Variants in CLN3 observed in about 807,000 individuals in gnomAD.
CLN3 encodes CLN3 lysosomal/endosomal transmembrane protein, battenin, also known as battenin.
In CLN3, 49 loss-of-function variants were observed where a neutral mutation model predicts 60.7. That is an observed-to-expected ratio of 0.81 (90% CI 0.64 to 1.02). The LOEUF (loss-of-function observed/expected upper bound fraction) is 1.02, where lower values mean the gene tolerates loss of function less well. Ranked by LOEUF, CLN3 falls within the 50% of genes least tolerant of loss-of-function variation. The pLI is 0.00. For synonymous variants in CLN3, 256 were observed against 245.8 expected (o/e 1.04, Z -0.39); for missense variants, 516 against 557.4 (o/e 0.93, Z 0.75).
intron 10 of CLN3, among the ~76,000 whole-genome samples, chr16:28,483,659 G>GT (rs889860604): frequency 2.0e-5 from 3 of 150,262 alleles, no homozygotes; most frequent in Admixed American, 6.6e-5. Context: ...CTGGCACATG[G>GT]TAAGTACTCA....
In CLN3 at chr16:28,483,720, T is replaced by C. The variant is rs1446028647; in HGVS notation, c.790+286A>G. Among the ~76,000 whole-genome samples, 15 of 67,194 alleles carry C rather than the reference T, an allele frequency of 2.2e-4. No individual in the cohort carries two copies. In the East Asian group the frequency reaches 2.9e-3, roughly 13 times the overall value. 44.1% of individuals were successfully genotyped at this position (67,194 alleles called of 152,430 possible). A position where few individuals can be genotyped will look rare whatever the true frequency, so the allele number is the denominator to read the frequency against. On this transcript the variant is annotated intron_variant, in intron 10 of 15. Coordinates refer to ENST00000636147, the MANE Select transcript of CLN3 (RefSeq NM_001042432.2). ...CCTTCCTTCCTTTCTTTTCTTTTTT[T>C]TTTTTTTTTTTTTTTTTTTGCGACA...
rs2046122078 is a variant in CLN3, at chr16:28,482,671, G to A, written c.792C>T (p.Gly264=). The change falls in exon 11 of 16, where the codon GGC becomes GGT. Residue 264 remains glycine, a splice_region_variant and synonymous_variant. Coordinates refer to ENST00000636147, the MANE Select transcript of CLN3 (RefSeq NM_001042432.2). The stretch of plus-strand genomic sequence containing the variant: ...CCCGAAGGGAGAGGCTGGAGCTGGA[G>A]CCTGCAGGGGAACAGAGAGAGAAGG... ...IRTEAPESKP[G]SSSSLSLRER... 6.8e-6 allele frequency: 11 copies of A among 1,614,192 alleles called. No homozygotes were observed. Among genetic ancestry groups the A allele is most frequent in the Non-Finnish European group, 9.3e-6 (11 of 1,180,028 alleles).
chr16:28,491,634 G>A (rs748011414), intron 2 of CLN3, 74 bp from the exon 3 acceptor site: 2 of 1,613,658 alleles, frequency 1.2e-6, no homozygotes, highest in East Asian at 2.2e-5. Context: ...GTCCTCCCGG[G>A]GCCGAGTCAG....
intron 3 of CLN3, among the ~76,000 whole-genome samples, chr16:28,490,038 C>G (rs2046287491): frequency 8.4e-6 from 1 of 119,730 alleles, no homozygotes; most frequent in Non-Finnish European, 1.7e-5. Flanking sequence ...GCCTGGGCTA[C>G]AAGAGCGAGA....
chr16:28,487,199 C>A, intron 7 of CLN3: 1 of 568,510 alleles, frequency 1.8e-6, no homozygotes, highest in South Asian at 2.0e-5. Context: ...GCATGAGTCA[C>A]TGTGCCTGGT....
At chr16:28,482,248 C>T (rs766137609) in intron 13 of CLN3, 50 bp from the exon 14 acceptor site, 3 of 1,600,490 alleles carry the variant, frequency 1.9e-6, no homozygotes, top group African/African-American at 1.3e-5. Flanking sequence ...GGGACCATCC[C>T]GCTCCCCCCG....
At chr16:28,482,079 T>C (rs755119836) in intron 14 of CLN3, 26 bp downstream of exon 14, 3 of 1,563,858 alleles carry the variant, frequency 1.9e-6, no homozygotes, top group Non-Finnish European at 1.7e-6. Context: ...AAGGTGGGAG[T>C]GAAGTGAGGG....
intron 6 of CLN3, 24 bp from the exon 7 acceptor site, chr16:28,487,565 AG>A: frequency 6.2e-7 from 1 of 1,605,054 alleles, no homozygotes; most frequent in Non-Finnish European, 8.5e-7. Flanking sequence ...AAGGGAAGGG[AG>A]GGGGAAGGTC....
intron 15 of CLN3, 35 bp from the exon 16 acceptor site, chr16:28,477,670 C>T: frequency 6.2e-7 from 1 of 1,614,016 alleles, no homozygotes; most frequent in Non-Finnish European, 8.5e-7. Flanking sequence ...AGGCTTCAGT[C>T]CCAGACATCC....
At chr16:28,489,454 C>A in intron 3 of CLN3, 68 bp from the exon 4 acceptor site, 2 of 1,068,726 alleles carry the variant, frequency 1.9e-6, no homozygotes, top group Non-Finnish European at 2.8e-6. Context: ...TTGTGCCAAA[C>A]CTTCCCTTAC....
At chr16:28,478,768 G>A (rs1226175499) in intron 14 of CLN3, among the ~76,000 whole-genome samples, 1 of 152,078 alleles carries the variant, frequency 6.6e-6, no homozygotes, top group African/African-American at 2.4e-5. Context: ...AGCGCATTTA[G>A]CAGGATCCCT....
At chr16:28,472,609 G>C (rs2045959676), downstream of CLN3, among the ~76,000 whole-genome samples, 1 of 151,354 alleles carries the variant, frequency 6.6e-6, no homozygotes, top group South Asian at 2.1e-4. Flanking sequence ...GGGAGGCCGA[G>C]GTGGGCGGAT....
downstream of CLN3, among the ~76,000 whole-genome samples, chr16:28,472,176 G>A (rs1309603132): frequency 6.6e-6 from 1 of 152,222 alleles, no homozygotes; most frequent in Non-Finnish European, 1.5e-5. Context: ...ATCTCTGGAG[G>A]TCAAGGTGGG....
chr16:28,487,093 T>C lies in CLN3; in HGVS notation c.460+363A>G, dbSNP rs147555130. ...ACCCAGCTAATTTTTGTATTTTTGGTAGAGACGGGGTTTCTCCATGTTGGC... is the reference window on the plus strand; with the variant it reads ...ACCCAGCTAATTTTTGTATTTTTGGCAGAGACGGGGTTTCTCCATGTTGGC... On this transcript the variant is annotated intron_variant, in intron 7 of 15. Coordinates refer to ENST00000636147, the MANE Select transcript of CLN3 (RefSeq NM_001042432.2). 1.9e-3 allele frequency: 695 copies of C among 374,798 alleles called. 8 individuals carry two copies. The highest frequency in any genetic ancestry group is 6.6e-3 in the South Asian group (277 of 42,156). The allele number at this position is 374,798 out of a possible 1,614,324, so 23.2% of individuals were successfully genotyped here.
chr16:28,486,490 C>T lies in CLN3; in HGVS notation c.534G>A (p.Arg178=). 1.2e-6 allele frequency: 2 copies of T among 1,612,358 alleles called. No homozygotes were observed. Among genetic ancestry groups the T allele is most frequent in the South Asian group, 2.2e-5 (2 of 90,744 alleles). Residue 178 remains arginine, a splice_region_variant and synonymous_variant, in exon 9 of 16, where the codon AGG becomes AGA. Transcript: ENST00000636147. The part of the protein sequence containing the change: ...TFLSLTAFYP[R]AVISWWSSGT... ...CTGAGGACCACCAGGAGATCACGGC[C>T]CTGGGAAGGAGAACACAGGAACATT...
At chr16:28,484,186 G>T in intron 9 of CLN3, 68 bp from the exon 10 acceptor site, 1 of 1,169,148 alleles carries the variant, frequency 8.6e-7, no homozygotes, top group African/African-American at 1.5e-5. Context: ...GACCATCTAG[G>T]CCACTTTTCC....
chr16:28,482,223 G>C (rs553687642), intron 13 of CLN3, 25 bp from the exon 14 acceptor site: 1 of 1,607,098 alleles, frequency 6.2e-7, no homozygotes, highest in South Asian at 1.1e-5. Flanking sequence ...GGGGGGAGGA[G>C]AGGAGGCTCC....
chr16:28,489,424 C>T, intron 3 of CLN3, 38 bp from the exon 4 acceptor site: 1 of 1,450,568 alleles, frequency 6.9e-7, no homozygotes, highest in Non-Finnish European at 9.6e-7. Context: ...CCCTCCTCAT[C>T]CTGCAGCCAT....
intron 7 of CLN3, chr16:28,487,213 TCA>T (rs1221452474): frequency 1.7e-6 from 1 of 592,252 alleles, no homozygotes; most frequent in African/African-American, 1.9e-5. Context: ...GCCTGGTCCA[TCA>T]CAGAGTCTTG....
Sources: gnomAD v4.1 joint callset for allele counts (sites outside exome capture counted in the v4.1 genomes callset) on GRCh38, gnomAD v4.1.1 for gene constraint, MANE v1.5 for transcripts, NCBI Gene and HGNC (gene_info 2026-07-23, HGNC 2026-07-21) for gene names.